The following CARD14 variants were observed in gnomAD, a reference collection of about 807,000 sequenced individuals.
CARD14 encodes caspase recruitment domain-containing protein 14.
CARD14 carries 107 observed loss-of-function variants against 111.5 expected under a neutral mutation model. The observed-to-expected ratio is 0.96, with a 90% CI of 0.82 to 1.13. The LOEUF (loss-of-function observed/expected upper bound fraction) is 1.13. CARD14 is among the 50% of genes most tolerant of loss of function. The probability of loss-of-function intolerance (pLI) is 0.00; values close to 1 mark genes in which losing one functional copy is unlikely to be tolerated. For missense variants in CARD14, 1,322 were observed against 1,362.3 expected, an observed-to-expected ratio of 0.97 and a Z score of 0.47; for synonymous variants, 617 against 579.6, an observed-to-expected ratio of 1.06 and a Z score of -0.93.
At chr17:80,176,936 G>A (rs1356289619) in intron 2 of CARD14, among the ~76,000 whole-genome samples, 6 of 152,124 alleles carry the variant, frequency 3.9e-5, no homozygotes, top group South Asian at 2.1e-4. Flanking sequence ...TTTCCACATC[G>A]CCTTTGCCCC....
At chr17:80,204,639 A>T (rs570886248) in intron 20 of CARD14, 32 of 333,458 alleles carry the variant, frequency 9.6e-5, no homozygotes, top group African/African-American at 4.0e-4. Context: ...AAAAAAAAAA[A>T]TTTCAGGAGA....
chr17:80,195,295 G>T lies in CARD14; in HGVS notation c.1461G>T (p.Arg487=), dbSNP rs1376581309. ...APPSQQSLYK[R]VAEDFGEEPW... ...CCAGCCAGCAGTCCCTGTACAAGCG[G>T]GTGGCCGAGGACTTCGGGGAAGAAC... is the stretch of plus-strand genomic sequence containing the variant. The change falls in exon 13 of 24, where the codon CGG becomes CGT. Residue 487 remains arginine, a synonymous_variant. Transcript: ENST00000648509. The surrounding 1 kb of genome is among the most constrained non-coding windows in gnomAD (Gnocchi z 4.7). 2.5e-6 allele frequency: 4 copies of T among 1,612,810 alleles called. No individual in the cohort carries two copies. The highest frequency in any genetic ancestry group is 2.5e-6 in the Non-Finnish European group (3 of 1,179,650).
At chr17:80,192,733 T>G in intron 12 of CARD14, 114 bp downstream of exon 12, 7 of 678,020 alleles carry the variant, frequency 1.0e-5, no homozygotes, top group Non-Finnish European at 1.8e-5. Context: ...AGGGAAGAGG[T>G]TGGTACGATT....
Position 80,202,240 on chromosome 17 carries a change from A to T in CARD14, c.2039A>T (p.Tyr680Phe). Residue 680 changes from tyrosine (Y) to phenylalanine (F), a missense_variant, in exon 18 of 24, where the codon TAC (tyrosine) becomes TTC (phenylalanine). Transcript: ENST00000648509. ...GTGGCGACCTCGGGGGACTCATTCT[A>T]CATCCGGGTCAACCTGGCCATGGAG... ...AKVATSGDSF[Y>F]IRVNLAMEGR... 1 of 1,613,924 alleles carries T rather than the reference A, an allele frequency of 6.2e-7. No homozygotes were observed. The highest frequency in any genetic ancestry group is 8.5e-7 in the Non-Finnish European group (1 of 1,180,012).
At chr17:80,193,623 G>A (rs1382234682) in intron 12 of CARD14, among the ~76,000 whole-genome samples, 1 of 152,194 alleles carries the variant, frequency 6.6e-6, no homozygotes, top group Non-Finnish European at 1.5e-5. Flanking sequence ...ACATCCCTTT[G>A]CCATGCCTTG....
In CARD14 at chr17:80,192,626, C is replaced by T. The variant is rs2040564647; in HGVS notation, c.1356+7C>T. 2 of 1,599,508 alleles carry T rather than the reference C, an allele frequency of 1.3e-6. No homozygotes were observed. The highest frequency in any genetic ancestry group is 1.3e-5 in the African/African-American group (1 of 74,668). Reference sequence around the variant, plus strand: ...CCTCGTCAGCTCCACAGAGGTACGGCCGCTCCTCCCGCCTCCCTCACTGCC... The same window carrying T: ...CCTCGTCAGCTCCACAGAGGTACGGTCGCTCCTCCCGCCTCCCTCACTGCC... On this transcript the variant is annotated splice_region_variant and intron_variant, in intron 12 of 23. Transcript: ENST00000648509.
chr17:80,180,988 CTT>C, intron 4 of CARD14, among the ~76,000 whole-genome samples: 1 of 151,880 alleles, frequency 6.6e-6, no homozygotes, highest in East Asian at 1.9e-4. Flanking sequence ...GTCTCGAACT[CTT>C]AGGCTTGAGC....
intron 9 of CARD14, 140 bp from the exon 10 acceptor site, chr17:80,190,634 G>T: frequency 4.8e-6 from 4 of 824,860 alleles, no homozygotes; most frequent in Non-Finnish European, 5.3e-6. Context: ...AAAAAAGAGA[G>T]AGAGAGACGA....
chr17:80,203,533 G>T lies in CARD14; in HGVS notation c.2220-289G>T, dbSNP rs998049604. On this transcript the variant is annotated intron_variant, in intron 18 of 23. Transcript: ENST00000648509. This position sits in a 1 kb window ranked among gnomAD's most constrained non-coding sequence, Gnocchi z 4.6. Reference sequence around the variant, plus strand: ...CATGAATATTGAGGTCCTGGAGTGGGGCCCTGTACGCTGGCTGCTCAACAG... The same window carrying T: ...CATGAATATTGAGGTCCTGGAGTGGTGCCCTGTACGCTGGCTGCTCAACAG... 6 of 371,256 alleles carry T rather than the reference G, an allele frequency of 1.6e-5. No homozygotes were observed. The highest frequency in any genetic ancestry group is 1.3e-4 in the African/African-American group (6 of 47,594). The allele number at this position is 371,256 out of a possible 1,614,324, so 23.0% of individuals were successfully genotyped here. A position where few individuals can be genotyped will look rare whatever the true frequency, so the allele number is the denominator to read the frequency against.
chr17:80,205,823 T>C, intron 22 of CARD14, 171 bp downstream of exon 22: 3 of 590,942 alleles, frequency 5.1e-6, no homozygotes, highest in Non-Finnish European at 8.5e-6. Flanking sequence ...CTCAGCCAGT[T>C]AGGATCCACG....
rs1367012049 is a variant in CARD14 at position 80,198,843 on chromosome 17, C to T, written c.1851+252C>T. The T allele has an allele frequency of 8.2e-6, 12 of 1,459,128 alleles. No homozygotes were observed. Among genetic ancestry groups the T allele is most frequent in the Non-Finnish European group, 1.1e-5 (12 of 1,110,536 alleles). The allele number at this position is 1,459,128 out of a possible 1,614,324, so 90.4% of individuals were successfully genotyped here. A position where few individuals can be genotyped will look rare whatever the true frequency, so the allele number is the denominator to read the frequency against. ...TCTGACCAGGGGTCTTTGCATGAGG[C>T]CCCTTGACAGGGCTGCTCTGGGTGG... On this transcript the variant is annotated intron_variant, in intron 16 of 23. Coordinates refer to ENST00000648509, the MANE Select transcript of CARD14 (RefSeq NM_001366385.1). The surrounding 1 kb of genome is among the most constrained non-coding windows in gnomAD (Gnocchi z 7.5).
intron 4 of CARD14, among the ~76,000 whole-genome samples, chr17:80,180,825 C>G (rs1318533950): frequency 6.6e-6 from 1 of 152,180 alleles, no homozygotes. Context: ...TGCAGTGGCA[C>G]AATCTCAGCT....
intron 7 of CARD14, among the ~76,000 whole-genome samples, chr17:80,186,349 G>A (rs374239367): frequency 1.2e-4 from 19 of 152,140 alleles, no homozygotes; most frequent in African/African-American, 4.1e-4. Context: ...TGTCCTTAAT[G>A]ATTTTGGTCT....
In CARD14 at chr17:80,201,570, G is replaced by A; in HGVS notation, c.1852-174G>A. ...ATGTGTAGCACGCATCACTAGAGGT[G>A]TGAAGGCCCCACAGAGGCTCTGGTG... On this transcript the variant is annotated intron_variant, in intron 16 of 23. Transcript: ENST00000648509. This position sits in a 1 kb window ranked among gnomAD's most constrained non-coding sequence, Gnocchi z 5.0. 1.5e-6 allele frequency: 1 copy of A among 682,464 alleles called. No homozygotes were observed. The highest frequency in any genetic ancestry group is 2.6e-6 in the Non-Finnish European group (1 of 383,698). 42.3% of individuals were successfully genotyped at this position (682,464 alleles called of 1,614,324 possible).
In CARD14 at chr17:80,184,028, G is replaced by A. The variant is rs1331212972; in HGVS notation, c.465G>A (p.Gln155=). 4 of 1,586,494 alleles carry A rather than the reference G, an allele frequency of 2.5e-6. No individual in the cohort carries two copies. The highest frequency in any genetic ancestry group is 8.6e-7 in the Non-Finnish European group (1 of 1,165,988). ...AGGTGCTGCTGCGGCGGTGCCAGCA[G>A]CTGCAGGAGCACCTGGGCCTGGCCG... ...QKEVLLRRCQ[Q]LQEHLGLAET... is the part of the protein sequence containing the mutation. Residue 155 remains glutamine (Q), a synonymous_variant, in exon 7 of 24, where the codon CAG becomes CAA. Transcript: ENST00000648509.
chr17:80,181,970 A>C (rs574070764), intron 5 of CARD14, among the ~76,000 whole-genome samples: 2 of 152,350 alleles, frequency 1.3e-5, no homozygotes, highest in South Asian at 4.1e-4. Flanking sequence ...TTCATTAAAA[A>C]ATGGGGATGG....
Position 80,189,921 on chromosome 17 carries a change from A to G in CARD14, c.963+49A>G. 1 of 1,566,440 alleles carries G rather than the reference A, an allele frequency of 6.4e-7. No homozygotes were observed. Among genetic ancestry groups the G allele is most frequent in the Non-Finnish European group, 8.6e-7 (1 of 1,164,682 alleles). On this transcript the variant is annotated intron_variant, in intron 9 of 23. Transcript: ENST00000648509. This position sits in a 1 kb window ranked among gnomAD's most constrained non-coding sequence, Gnocchi z 4.7. ...TTGTGACTCTCCTGGGGCTTGTCTC[A>G]GGGGTGCGGACAGGTCTGTGGGGAA...
Position 80,188,102 on chromosome 17 carries a change from C to G in CARD14, c.676-275C>G. On this transcript the variant is annotated intron_variant, in intron 7 of 23. Coordinates refer to ENST00000648509, the MANE Select transcript of CARD14 (RefSeq NM_001366385.1). This position sits in a 1 kb window ranked among gnomAD's most constrained non-coding sequence, Gnocchi z 4.5. Reference sequence around the variant, plus strand: ...AGATCCAGGAGTTGGTTATCAAGGCCTCTTGGTCTATTCCTGGGACCCTAA... The same window carrying G: ...AGATCCAGGAGTTGGTTATCAAGGCGTCTTGGTCTATTCCTGGGACCCTAA... 1 of 521,092 alleles carries G rather than the reference C, an allele frequency of 1.9e-6. No individual in the cohort carries two copies. The highest frequency in any genetic ancestry group is 2.6e-6 in the Non-Finnish European group (1 of 378,814). 32.3% of individuals were successfully genotyped at this position (521,092 alleles called of 1,614,324 possible). A position where few individuals can be genotyped will look rare whatever the true frequency, so the allele number is the denominator to read the frequency against.
Position 80,205,591 on chromosome 17 carries a change from G to C in CARD14, c.2630G>C (p.Gly877Ala). 6.4e-7 allele frequency: 1 copy of C among 1,572,846 alleles called. No individual in the cohort carries two copies. Among genetic ancestry groups the C allele is most frequent in the South Asian group, 1.2e-5 (1 of 85,966 alleles). ...CAGAGAGGGGACATCATCCAGGAGGGAGAGGTGTCCGGGGGCCGCTGCTGG... is the reference window on the plus strand; with the variant it reads ...CAGAGAGGGGACATCATCCAGGAGGCAGAGGTGTCCGGGGGCCGCTGCTGG... ...WSQRGDIIQEGEVSGGRCWVT... is the reference protein window; with the variant it reads ...WSQRGDIIQEAEVSGGRCWVT... The change falls in exon 22 of 24, where the codon GGA becomes GCA. Residue 877 changes from glycine (G) to alanine (A), a missense_variant. Coordinates refer to ENST00000648509, the MANE Select transcript of CARD14 (RefSeq NM_001366385.1).
Sources: allele counts gnomAD v4.1 joint callset (sites outside exome capture counted in the v4.1 genomes callset), GRCh38; gene constraint gnomAD v4.1.1; non-coding constraint Gnocchi (gnomAD v3.1); transcripts MANE v1.5; gene names NCBI Gene and HGNC (gene_info 2026-07-23, HGNC 2026-07-21).